The following CDC14A variants were observed in gnomAD, a reference collection of about 807,000 sequenced individuals.
The protein encoded by CDC14A is cell division cycle 14A, also known as dual specificity protein phosphatase CDC14A.
CDC14A carries 53 observed loss-of-function variants against 74.4 expected under a neutral mutation model. The ratio of observed to expected loss-of-function variants is 0.71; its 90% CI spans 0.57 to 0.89. The LOEUF is 0.89. Ranked by LOEUF, CDC14A falls within the 40% of genes least tolerant of loss-of-function variation. CDC14A has a pLI of 0.00. For synonymous variants in CDC14A, 247 were observed against 258.4 expected (o/e 0.96, Z 0.43); for missense variants, 646 against 713.7 (o/e 0.91, Z 1.08).
At chr1:100,434,288 G>GGGTGAGA (rs1262785663) in intron 5 of CDC14A, among the ~76,000 whole-genome samples, 2 of 152,168 alleles carry the variant, frequency 1.3e-5, no homozygotes, top group African/African-American at 4.8e-5. Context: ...GGGAAGATGA[G>GGGTGAGA]GGTGAGAGGG....
intron 4 of CDC14A, among the ~76,000 whole-genome samples, chr1:100,392,810 C>G (rs1657902210): frequency 6.6e-6 from 1 of 152,114 alleles, no homozygotes. Context: ...TTTTGAAAGC[C>G]TAAAGGTTTT....
intron 5 of CDC14A, among the ~76,000 whole-genome samples, chr1:100,428,412 C>A (rs148732681): frequency 6.6e-6 from 1 of 152,272 alleles, no homozygotes; most frequent in African/African-American, 2.4e-5. Flanking sequence ...TACCTTAATT[C>A]TTTGAGTCAT....
intron 8 of CDC14A, among the ~76,000 whole-genome samples, chr1:100,456,705 T>G (rs1666734863): frequency 6.6e-6 from 1 of 152,230 alleles, no homozygotes; most frequent in Non-Finnish European, 1.5e-5. Flanking sequence ...CATTGTATAT[T>G]GTTATTCATG....
At chr1:100,502,190 T>C (rs1648806886) in intron 15 of CDC14A, among the ~76,000 whole-genome samples, 1 of 152,206 alleles carries the variant, frequency 6.6e-6, no homozygotes, top group South Asian at 2.1e-4. Context: ...TCTACAGTAG[T>C]GTTCAGTAAT....
chr1:100,459,681 G>T (rs1667127598), intron 8 of CDC14A, among the ~76,000 whole-genome samples: 1 of 152,160 alleles, frequency 6.6e-6, no homozygotes, highest in African/African-American at 2.4e-5. Flanking sequence ...CCAGGACTTT[G>T]TTGTGGTTCA....
intron 2 of CDC14A, among the ~76,000 whole-genome samples, chr1:100,376,596 G>C (rs925496281): frequency 6.6e-6 from 1 of 152,126 alleles, no homozygotes; most frequent in Non-Finnish European, 1.5e-5. Flanking sequence ...AGCCGAGATG[G>C]AGAAGACTGA....
At chr1:100,498,293 G>C in intron 14 of CDC14A, 86 bp downstream of exon 14, 1 of 1,466,728 alleles carries the variant, frequency 6.8e-7, no homozygotes, top group South Asian at 1.3e-5. Context: ...AGTTTTGTCA[G>C]AGGAGGGGAC....
intron 3 of CDC14A, among the ~76,000 whole-genome samples, chr1:100,387,765 T>A (rs1228187549): frequency 6.6e-6 from 1 of 152,188 alleles, no homozygotes; most frequent in Non-Finnish European, 1.5e-5. Context: ...CCTTTAGTTT[T>A]ATGGCTCATG....
At chr1:100,472,686 T>G (rs111775450) in intron 10 of CDC14A, among the ~76,000 whole-genome samples, 1 of 152,052 alleles carries the variant, frequency 6.6e-6, no homozygotes, top group African/African-American at 2.4e-5. Context: ...AAAAAGTTTA[T>G]AGTTTTACAT....
chr1:100,373,607 C>T (rs1252874145), intron 2 of CDC14A, among the ~76,000 whole-genome samples: 3 of 152,072 alleles, frequency 2.0e-5, no homozygotes, highest in Non-Finnish European at 4.4e-5. Context: ...ATGAGATATG[C>T]CTATACTCTT....
intron 2 of CDC14A, among the ~76,000 whole-genome samples, chr1:100,355,174 C>T (rs1041118437): frequency 1.3e-5 from 2 of 152,160 alleles, no homozygotes; most frequent in Admixed American, 6.6e-5. Context: ...GATGTCACTG[C>T]CAGCAGTGTT....
upstream of CDC14A, among the ~76,000 whole-genome samples, chr1:100,350,602 A>C (rs761155265): frequency 1.5e-4 from 23 of 152,244 alleles, no homozygotes; most frequent in African/African-American, 5.3e-4. Context: ...GTGTTCAACT[A>C]TATCTGGCTT....
In CDC14A at chr1:100,508,480, T is replaced by C. The variant is rs150214487; in HGVS notation, c.1755+9218T>C. 7.2e-3 allele frequency among the ~76,000 whole-genome samples: 1,101 copies of C among 152,062 alleles called. 15 individuals carry two copies. The highest frequency in any genetic ancestry group is 0.025 in the African/African-American group (1,050 of 41,482). On this transcript the variant is annotated intron_variant, in intron 15 of 15. Transcript: ENST00000336454. The surrounding 1 kb of genome is among the most constrained non-coding windows in gnomAD (Gnocchi z 4.4). ...TTGGTAGGTTCAGATGGGATGGGAG[T>C]GTTGGTGTGTTTCTCTCCTCTTTCT...
intron 2 of CDC14A, among the ~76,000 whole-genome samples, chr1:100,354,811 C>T (rs1463975409): frequency 6.6e-6 from 1 of 152,208 alleles, no homozygotes; most frequent in South Asian, 2.1e-4. Flanking sequence ...CTTCCTTGGA[C>T]TTGTCTTGTT....
At chr1:100,429,053 A>T (rs1267149786) in intron 5 of CDC14A, among the ~76,000 whole-genome samples, 1 of 151,850 alleles carries the variant, frequency 6.6e-6, no homozygotes, top group East Asian at 1.9e-4. Context: ...ATACAAAAAA[A>T]AGTAGCCAGC....
At chr1:100,498,290 T>C (rs1251105420) in intron 14 of CDC14A, 83 bp downstream of exon 14, 7 of 1,486,576 alleles carry the variant, frequency 4.7e-6, no homozygotes, top group Non-Finnish European at 6.4e-6. Context: ...TGCAGTTTTG[T>C]CAGAGGAGGG....
chr1:100,371,070 C>G (rs1654413185), intron 2 of CDC14A, among the ~76,000 whole-genome samples: 1 of 151,978 alleles, frequency 6.6e-6, no homozygotes, highest in African/African-American at 2.4e-5. Context: ...GCTATTGTAA[C>G]TGGGATTACA....
At chr1:100,351,952 C>T (rs1002804079), upstream of CDC14A, 5 of 707,198 alleles carry the variant, frequency 7.1e-6, no homozygotes, top group South Asian at 1.8e-5. Flanking sequence ...AGGCAGGGCA[C>T]GGAGATCTGA....
rs201847135 is a variant in CDC14A at position 100,499,232 on chromosome 1, T to G, written c.1725T>G (p.Ser575=). The change falls in exon 15 of 16, where the codon TCT becomes TCG. Residue 575 remains serine, a synonymous_variant. Coordinates refer to ENST00000336454, the MANE Select transcript of CDC14A (RefSeq NM_003672.4). The part of the protein sequence containing the change: ...LRPSYTGLSS[S]SARFLSRSIP... ...CCTCCTACACCGGGCTTTCTTCTTC[T>G]TCAGCGAGATTCCTGAGCCGTTCTA... is the stretch of plus-strand genomic sequence containing the variant. 6 of 1,614,082 alleles carry G rather than the reference T, an allele frequency of 3.7e-6. No homozygotes were observed. Among genetic ancestry groups the G allele is most frequent in the Middle Eastern group, 3.3e-4 (2 of 6,084 alleles).
Sources: gnomAD v4.1 joint callset for allele counts (sites outside exome capture counted in the v4.1 genomes callset) on GRCh38, gnomAD v4.1.1 for gene constraint, Gnocchi (gnomAD v3.1) non-coding constraint, MANE v1.5 for transcripts, NCBI Gene and HGNC (gene_info 2026-07-23, HGNC 2026-07-21) for gene names.